COL14A1: variants seen among roughly 807,000 people sequenced by gnomAD.
The protein encoded by COL14A1 is collagen alpha-1(XIV) chain.
A neutral mutation model predicts 230.3 loss-of-function variants in COL14A1; 136 were observed. That is an observed-to-expected ratio of 0.59 (90% CI 0.51 to 0.68). The LOEUF (loss-of-function observed/expected upper bound fraction) is 0.68. COL14A1 is among the 30% of genes least tolerant of loss of function. The pLI, the probability that COL14A1 is intolerant of heterozygous loss-of-function variation, is 0.00. For missense variants in COL14A1, 1,976 were observed against 2,215.8 expected (o/e 0.89, Z 2.17); for synonymous variants, 792 against 784.1 (o/e 1.01, Z -0.17).
At chr8:120,187,060 A>C (rs1375271561) in intron 5 of COL14A1, among the ~76,000 whole-genome samples, 1 of 152,188 alleles carries the variant, frequency 6.6e-6, no homozygotes, top group Non-Finnish European at 1.5e-5. Flanking sequence ...GTTTTGAAGG[A>C]TGAATAGGAG....
At chr8:120,358,289 T>C (rs935004545) in intron 45 of COL14A1, among the ~76,000 whole-genome samples, 3 of 152,220 alleles carry the variant, frequency 2.0e-5, no homozygotes, top group African/African-American at 7.2e-5. Context: ...TTGGCCCTTA[T>C]TGATTTCTCT....
In COL14A1 at chr8:120,203,874, A is replaced by C; in HGVS notation, c.1039+4A>C. ...GAACAGGACAGAGAAATTAAAGGTAAAATGAGTGACAGAGCAGTCCTGTGG... is the reference window on the plus strand; with the variant it reads ...GAACAGGACAGAGAAATTAAAGGTACAATGAGTGACAGAGCAGTCCTGTGG... On this transcript the variant is annotated splice_donor_region_variant and intron_variant, in intron 9 of 47. Coordinates refer to ENST00000297848, the MANE Select transcript of COL14A1 (RefSeq NM_021110.4). 1 of 1,613,096 alleles carries C rather than the reference A, an allele frequency of 6.2e-7. No homozygotes were observed. The highest frequency in any genetic ancestry group is 8.5e-7 in the Non-Finnish European group (1 of 1,179,306).
intron 40 of COL14A1, among the ~76,000 whole-genome samples, chr8:120,331,679 A>G (rs915875147): frequency 6.6e-6 from 1 of 152,082 alleles, no homozygotes; most frequent in Non-Finnish European, 1.5e-5. Context: ...AATCCTCCCA[A>G]ATCTCCTCCA....
At chr8:120,279,819 C>T (rs1411684098) in intron 28 of COL14A1, 116 bp from the exon 29 acceptor site, 4 of 1,052,516 alleles carry the variant, frequency 3.8e-6, no homozygotes, top group Non-Finnish European at 5.4e-6. Context: ...GAATTATCCA[C>T]CCCCATGGGC....
At chr8:120,174,929 G>T (rs77984607) in intron 5 of COL14A1, among the ~76,000 whole-genome samples, 1 of 152,114 alleles carries the variant, frequency 6.6e-6, no homozygotes, top group Non-Finnish European at 1.5e-5. Flanking sequence ...CAACCAGGTC[G>T]TTTATGCAAC....
At chr8:120,228,665 G>T in intron 17 of COL14A1, 45 bp from the exon 18 acceptor site, 1 of 1,449,764 alleles carries the variant, frequency 6.9e-7, no homozygotes, top group South Asian at 1.2e-5. Flanking sequence ...ATAGAAAAAT[G>T]GACAGTTGTT....
intron 32 of COL14A1, among the ~76,000 whole-genome samples, chr8:120,284,818 T>C (rs917893007): frequency 2.0e-5 from 3 of 152,118 alleles, no homozygotes; most frequent in African/African-American, 7.2e-5. Flanking sequence ...ATTTGTAGCA[T>C]AGGAATGAAT....
At chr8:120,245,518 C>A (rs1272266392) in intron 20 of COL14A1, among the ~76,000 whole-genome samples, 1 of 152,200 alleles carries the variant, frequency 6.6e-6, no homozygotes, top group Non-Finnish European at 1.5e-5. Context: ...ATTTTCTATT[C>A]TTGCATAAAG....
intron 2 of COL14A1, among the ~76,000 whole-genome samples, chr8:120,154,171 A>G (rs893564720): frequency 3.9e-5 from 6 of 152,210 alleles, no homozygotes; most frequent in African/African-American, 1.4e-4. Flanking sequence ...CTTTACGTAG[A>G]TTGTCACTTG....
intron 5 of COL14A1, among the ~76,000 whole-genome samples, chr8:120,192,716 C>T (rs1298066408): frequency 6.6e-6 from 1 of 152,112 alleles, no homozygotes; most frequent in Non-Finnish European, 1.5e-5. Context: ...TTCACGTAGT[C>T]CCATATTTCT....
Position 120,202,347 on chromosome 8 carries a change from G to A in COL14A1, c.878-1362G>A, listed in dbSNP as rs535613069. On this transcript the variant is annotated intron_variant, in intron 8 of 47. Coordinates refer to ENST00000297848, the MANE Select transcript of COL14A1 (RefSeq NM_021110.4). ...GTTCAGAGACAACTAATGCTTTGTT[G>A]CTCAATATGTTGGGGTTGAAAGATA... Among the ~76,000 whole-genome samples the A allele has an allele frequency of 3.3e-5, 5 of 152,290 alleles. No homozygotes were observed. The South Asian group carries it at 1.0e-3, about 32-fold the overall frequency.
Position 120,373,214 on chromosome 8 carries a change from G to A in COL14A1, c.*1983G>A, listed in dbSNP as rs149960466. Reference sequence around the variant, plus strand: ...TCAAAGTTTGTGTATAAATGGCGAAGTATACACTATGAGAGATTCTAATCC... The same window carrying A: ...TCAAAGTTTGTGTATAAATGGCGAAATATACACTATGAGAGATTCTAATCC... On this transcript the variant is annotated 3_prime_UTR_variant, in exon 48 of 48. Coordinates refer to ENST00000297848, the MANE Select transcript of COL14A1 (RefSeq NM_021110.4). 1.3e-4 allele frequency among the ~76,000 whole-genome samples: 20 copies of A among 152,280 alleles called. 1 individual carries two copies. In the East Asian group the frequency reaches 3.1e-3, roughly 24 times the overall value.
intron 45 of COL14A1, among the ~76,000 whole-genome samples, chr8:120,354,290 T>C (rs1822895036): frequency 8.3e-6 from 1 of 120,474 alleles, no homozygotes; most frequent in Non-Finnish European, 1.7e-5. Flanking sequence ...TACCTAATGC[T>C]AGATGACGAG....
At chr8:120,370,552 G>A in intron 47 of COL14A1, 10 of 1,464,152 alleles carry the variant, frequency 6.8e-6, no homozygotes, top group Non-Finnish European at 9.0e-6. Flanking sequence ...CAAACATGAT[G>A]GAGTGATAAC....
At chr8:120,145,009 T>C (rs1460129569) in intron 1 of COL14A1, among the ~76,000 whole-genome samples, 4 of 152,036 alleles carry the variant, frequency 2.6e-5, no homozygotes, top group African/African-American at 7.2e-5. Flanking sequence ...GGAAAAATAC[T>C]AAGTATATAT....
intron 21 of COL14A1, among the ~76,000 whole-genome samples, chr8:120,248,921 T>C (rs974349440): frequency 2.6e-5 from 2 of 76,136 alleles, no homozygotes; most frequent in Non-Finnish European, 6.3e-5. Flanking sequence ...ATCTTTCTTT[T>C]TTTTTTTTTT....
chr8:120,274,509 T>C (rs1466576399), intron 26 of COL14A1, among the ~76,000 whole-genome samples: 2 of 151,732 alleles, frequency 1.3e-5, no homozygotes, highest in East Asian at 3.9e-4. Context: ...ATAAAGGGCA[T>C]CCAAACTGGA....
chr8:120,177,417 G>A (rs1816314847), intron 5 of COL14A1, among the ~76,000 whole-genome samples: 1 of 152,072 alleles, frequency 6.6e-6, no homozygotes, highest in South Asian at 2.1e-4. Flanking sequence ...GGAAGGCTGA[G>A]GAGGGTGGAT....
chr8:120,154,570 A>G (rs1815399196), intron 2 of COL14A1, among the ~76,000 whole-genome samples: 1 of 152,036 alleles, frequency 6.6e-6, no homozygotes, highest in South Asian at 2.1e-4. Flanking sequence ...CACAGATCTT[A>G]TATCAGGCCT....
Sources: allele counts gnomAD v4.1 joint callset (sites outside exome capture counted in the v4.1 genomes callset), GRCh38; gene constraint gnomAD v4.1.1; transcripts MANE v1.5; gene names NCBI Gene and HGNC (gene_info 2026-07-23, HGNC 2026-07-21).